Variants in QDPR observed in about 807,000 individuals in gnomAD.
The protein encoded by QDPR is quinoid dihydropteridine reductase, also known as dihydropteridine reductase.
QDPR carries 23 observed loss-of-function variants against 31.7 expected under a neutral mutation model. The ratio of observed to expected loss-of-function variants is 0.73; its 90% CI spans 0.52 to 1.03. The LOEUF (loss-of-function observed/expected upper bound fraction) is 1.03. Among genes scored for constraint, QDPR ranks in the 50% least tolerant of loss-of-function variants. The pLI is 0.00. For missense variants in QDPR, 324 were observed against 323.8 expected, an observed-to-expected ratio of 1.00 and a Z score of 0.00; for synonymous variants, 124 against 124.7, an observed-to-expected ratio of 0.99 and a Z score of 0.03.
intron 1 of QDPR, among the ~76,000 whole-genome samples, chr4:17,510,734 T>C (rs1032129403): frequency 6.6e-6 from 1 of 152,134 alleles, no homozygotes; most frequent in Non-Finnish European, 1.5e-5. Flanking sequence ...GCCTTAAAGA[T>C]ATTGGGGGCA....
intron 4 of QDPR, among the ~76,000 whole-genome samples, chr4:17,497,043 C>T (rs1429550892): frequency 6.6e-6 from 1 of 152,098 alleles, no homozygotes; most frequent in Non-Finnish European, 1.5e-5. Context: ...GCCATCGCGC[C>T]CTGCCAAATT....
intron 2 of QDPR, among the ~76,000 whole-genome samples, chr4:17,508,622 T>C (rs1466721119): frequency 7.6e-6 from 1 of 131,116 alleles, no homozygotes; most frequent in Non-Finnish European, 1.6e-5. Flanking sequence ...ATCTGGAGAA[T>C]TATTTAAGTA....
At position 17,491,802 on chromosome 4, in the gene QDPR, T is replaced by C. The variant is rs1718172904; in HGVS notation, c.545+430A>G. Among the ~76,000 whole-genome samples the C allele has an allele frequency of 3.9e-5, 6 of 152,150 alleles. No individual in the cohort carries two copies. In the South Asian group the frequency reaches 1.2e-3, roughly 32 times the overall value. ...CACATACAAAACACAAACTGCAACA[T>C]AATAGTATTAAGAGGTGGGGTCTGC... On this transcript the variant is annotated intron_variant, in intron 5 of 6. Coordinates refer to ENST00000281243, the MANE Select transcript of QDPR (RefSeq NM_000320.3).
At chr4:17,495,341 C>G (rs1718314606) in intron 4 of QDPR, among the ~76,000 whole-genome samples, 1 of 152,170 alleles carries the variant, frequency 6.6e-6, no homozygotes, top group Non-Finnish European at 1.5e-5. Context: ...TGTCATGGAG[C>G]CTCTTCTATG....
At chr4:17,504,663 A>G (rs1400427784) in intron 2 of QDPR, among the ~76,000 whole-genome samples, 188 bp from the exon 3 acceptor site, 1 of 152,194 alleles carries the variant, frequency 6.6e-6, no homozygotes, top group African/African-American at 2.4e-5. Context: ...GCCCAAGTAC[A>G]CTTCAGTGTG....
chr4:17,511,342 G>C (rs772019383), intron 1 of QDPR, among the ~76,000 whole-genome samples: 5 of 152,222 alleles, frequency 3.3e-5, no homozygotes, highest in Non-Finnish European at 7.3e-5. Flanking sequence ...GAAGCCGTCA[G>C]CGTTTTTCCG....
At chr4:17,490,125 C>A (rs1432532957) in intron 6 of QDPR, 1 of 179,280 alleles carries the variant, frequency 5.6e-6, no homozygotes, top group South Asian at 1.3e-4. Context: ...CACAAATGGG[C>A]AAAAAGGATT....
intron 4 of QDPR, among the ~76,000 whole-genome samples, chr4:17,493,202 G>A (rs943989596): frequency 2.0e-5 from 3 of 152,156 alleles, no homozygotes; most frequent in African/African-American, 7.2e-5. Context: ...CAGCACTTTG[G>A]GAGGCTGAGG....
chr4:17,493,269 C>A (rs888220359), intron 4 of QDPR, among the ~76,000 whole-genome samples: 4 of 152,272 alleles, frequency 2.6e-5, no homozygotes, highest in Non-Finnish European at 5.9e-5. Context: ...CGTAGTGGGA[C>A]CCCATCTCTA....
intron 6 of QDPR, among the ~76,000 whole-genome samples, chr4:17,487,995 G>A (rs937253328): frequency 6.6e-6 from 1 of 152,110 alleles, no homozygotes; most frequent in Non-Finnish European, 1.5e-5. Flanking sequence ...AGGCGTGGTG[G>A]CTCACACCTG....
chr4:17,488,716 A>AG, intron 6 of QDPR, among the ~76,000 whole-genome samples: 1 of 152,374 alleles, frequency 6.6e-6, no homozygotes, highest in East Asian at 1.9e-4. Flanking sequence ...AGTGCTCAGC[A>AG]TTTCCTTCCT....
In QDPR at chr4:17,493,763, A is replaced by T. The variant is rs578209181; in HGVS notation, c.437-1423T>A. On this transcript the variant is annotated intron_variant, in intron 4 of 6. Coordinates refer to ENST00000281243, the MANE Select transcript of QDPR (RefSeq NM_000320.3). ...ACATCTGTAAGTTTTTATAGAGCTT[A>T]ATCTCCAGCCCCTGCTTCCTTCCAG... is the stretch of plus-strand genomic sequence containing the variant. Among the ~76,000 whole-genome samples the T allele has an allele frequency of 2.4e-4, 37 of 152,262 alleles. 1 individual carries two copies. In the South Asian group the frequency reaches 7.5e-3, roughly 31 times the overall value.
At chr4:17,491,665 A>G (rs1718168961) in intron 5 of QDPR, among the ~76,000 whole-genome samples, 1 of 152,204 alleles carries the variant, frequency 6.6e-6, no homozygotes, top group Non-Finnish European at 1.5e-5. Flanking sequence ...GAGAGGAAAA[A>G]AAGAGGCAAA....
At chr4:17,495,838 G>A (rs1196875814) in intron 4 of QDPR, among the ~76,000 whole-genome samples, 1 of 151,716 alleles carries the variant, frequency 6.6e-6, no homozygotes, top group Non-Finnish European at 1.5e-5. Flanking sequence ...GTGAAACCCT[G>A]TCTCCACAAA....
At chr4:17,504,251 C>T (rs1451844274) in intron 3 of QDPR, 128 bp downstream of exon 3, 5 of 784,334 alleles carry the variant, frequency 6.4e-6, no homozygotes, top group Admixed American at 2.0e-5. Flanking sequence ...ACTCTCTCCC[C>T]GAGCAACTGT....
In QDPR at chr4:17,487,793, T is replaced by C. The variant is rs1160417827; in HGVS notation, c.630-557A>G. Among the ~76,000 whole-genome samples, 3 of 152,010 alleles carry C rather than the reference T, an allele frequency of 2.0e-5. No homozygotes were observed. The East Asian group carries it at 5.8e-4, about 29-fold the overall frequency. On this transcript the variant is annotated intron_variant, in intron 6 of 6. Coordinates refer to ENST00000281243, the MANE Select transcript of QDPR (RefSeq NM_000320.3). ...GCCTGGACACAATGGCAAGATTCCA[T>C]CTCCAAAAAATAATAAAAAATTAAT...
At chr4:17,502,340 A>G (rs1044404855) in intron 3 of QDPR, among the ~76,000 whole-genome samples, 2 of 152,218 alleles carry the variant, frequency 1.3e-5, no homozygotes, top group Admixed American at 6.5e-5. Context: ...AAAGAAAGCT[A>G]AAATAACAAC....
chr4:17,504,948 A>G (rs1718705226), intron 2 of QDPR, among the ~76,000 whole-genome samples: 1 of 152,216 alleles, frequency 6.6e-6, no homozygotes. Flanking sequence ...ACTCTGAAAA[A>G]AATGCCAACG....
chr4:17,504,143 T>C (rs1289243435), intron 3 of QDPR, among the ~76,000 whole-genome samples: 1 of 152,200 alleles, frequency 6.6e-6, no homozygotes, highest in Non-Finnish European at 1.5e-5. Context: ...GATTTCATTC[T>C]GCCTCTACTT....
Sources: gnomAD v4.1 joint callset for allele counts (sites outside exome capture counted in the v4.1 genomes callset) on GRCh38, gnomAD v4.1.1 for gene constraint, MANE v1.5 for transcripts, NCBI Gene and HGNC (gene_info 2026-07-23, HGNC 2026-07-21) for gene names.